The following CTNNA2 variants were observed in gnomAD, a reference collection of about 807,000 sequenced individuals.
The protein encoded by CTNNA2 is catenin alpha-2.
Under a neutral mutation model 101.0 loss-of-function variants are expected in CTNNA2, and 42 were observed. The observed-to-expected ratio is 0.42, with a 90% confidence interval of 0.32 to 0.54. The LOEUF is 0.54. Ranked by LOEUF, CTNNA2 falls within the 20% of genes least tolerant of loss-of-function variation. The probability of loss-of-function intolerance (pLI) is 0.14; values close to 1 mark genes in which losing one functional copy is unlikely to be tolerated. For synonymous variants in CTNNA2, 450 were observed against 456.4 expected (o/e 0.99, Z 0.18); for missense variants, 871 against 1,223.1 (o/e 0.71, Z 4.29).
chr2:80,004,096 A>C (rs2103976602), intron 7 of CTNNA2, among the ~76,000 whole-genome samples: 1 of 152,186 alleles, frequency 6.6e-6, no homozygotes, highest in South Asian at 2.1e-4. Flanking sequence ...TAGAGGCTAA[A>C]ATTTTTTTTT....
chr2:80,597,009 T>G (rs190869132), intron 15 of CTNNA2, among the ~76,000 whole-genome samples: 1 of 152,320 alleles, frequency 6.6e-6, no homozygotes, highest in Non-Finnish European at 1.5e-5. Context: ...TTAATTACAT[T>G]TATTGATTTG....
intron 14 of CTNNA2, chr2:80,586,622 A>T (rs182527346): frequency 6.6e-6 from 1 of 152,344 alleles, no homozygotes; most frequent in African/African-American, 2.4e-5. Context: ...TCTTGCTATG[A>T]ACACAACATT....
intron 7 of CTNNA2, among the ~76,000 whole-genome samples, chr2:79,939,305 G>C (rs1687992604): frequency 6.6e-6 from 1 of 152,138 alleles, no homozygotes; most frequent in African/African-American, 2.4e-5. Context: ...TGACTTTTTA[G>C]ACTTAACTTT....
At chr2:79,501,965 CT>C (rs59130555) in intron 4 of CTNNA2, among the ~76,000 whole-genome samples, 9,586 of 128,724 alleles carry the variant, frequency 0.074, 602 homozygotes, top group East Asian at 0.25. Context: ...GGATATTAGT[CT>C]TTTTTTTTTT....
intron 7 of CTNNA2, among the ~76,000 whole-genome samples, chr2:80,229,721 G>A (rs1291140827): frequency 6.6e-6 from 1 of 152,160 alleles, no homozygotes; most frequent in Non-Finnish European, 1.5e-5. Flanking sequence ...AATCAAATGT[G>A]TTCAAATACT....
At chr2:79,338,842 G>A (rs961442151) in intron 3 of CTNNA2, among the ~76,000 whole-genome samples, 1 of 152,118 alleles carries the variant, frequency 6.6e-6, no homozygotes, top group Non-Finnish European at 1.5e-5. Context: ...ATAAGATAGA[G>A]AGGAAGGTGT....
intron 7 of CTNNA2, among the ~76,000 whole-genome samples, chr2:80,012,436 T>C: frequency 6.6e-6 from 1 of 152,162 alleles, no homozygotes; most frequent in East Asian, 1.9e-4. Flanking sequence ...TTTCCTAAGA[T>C]TCTGAGTCAG....
intron 4 of CTNNA2, among the ~76,000 whole-genome samples, chr2:79,466,398 A>G (rs1380704674): frequency 6.6e-6 from 1 of 152,200 alleles, no homozygotes; most frequent in African/African-American, 2.4e-5. Flanking sequence ...AACTGGGTGG[A>G]GCCCACCACA....
chr2:79,374,410 A>G (rs1371881081), intron 4 of CTNNA2, among the ~76,000 whole-genome samples: 1 of 152,192 alleles, frequency 6.6e-6, no homozygotes, highest in Non-Finnish European at 1.5e-5. Context: ...AAAATCTAAG[A>G]CTGATTCATG....
At chr2:79,435,616 G>A (rs551401217) in intron 4 of CTNNA2, among the ~76,000 whole-genome samples, 2 of 152,266 alleles carry the variant, frequency 1.3e-5, no homozygotes, top group African/African-American at 4.8e-5. Flanking sequence ...AAGGCAGCAC[G>A]CCCTAAAGCT....
At chr2:80,503,013 T>A (rs1687994203) in intron 9 of CTNNA2, among the ~76,000 whole-genome samples, 1 of 151,954 alleles carries the variant, frequency 6.6e-6, no homozygotes, top group South Asian at 2.1e-4. Context: ...CTACAAAAAT[T>A]TTTTTACAAA....
chr2:80,125,070 C>T (rs952283779), intron 7 of CTNNA2, among the ~76,000 whole-genome samples: 4 of 152,306 alleles, frequency 2.6e-5, no homozygotes, highest in Middle Eastern at 3.4e-3. Context: ...GAAAGAACAT[C>T]AGTGAACCAG....
In CTNNA2 at chr2:79,375,413, G is replaced by T. The variant is rs17016980; in HGVS notation, c.-135+1400G>T. ...ATGAGTATAAGAGCTTTTCGCCATC[G>T]TTCCTTCTTTATTCTGCCATGTAAT... On this transcript the variant is annotated intron_variant, in intron 4 of 21. Coordinates refer to the CTNNA2 transcript ENST00000466387. 6.2e-3 allele frequency among the ~76,000 whole-genome samples: 951 copies of T among 152,238 alleles called. 8 individuals carry two copies. The highest frequency in any genetic ancestry group is 0.022 in the African/African-American group (897 of 41,542).
At chr2:80,285,252 A>G (rs1674668177) in intron 7 of CTNNA2, among the ~76,000 whole-genome samples, 1 of 152,138 alleles carries the variant, frequency 6.6e-6, no homozygotes, top group South Asian at 2.1e-4. Flanking sequence ...CATCTACCAC[A>G]CTGGTATCTC....
chr2:79,403,082 A>C (rs749884402), intron 4 of CTNNA2, among the ~76,000 whole-genome samples: 1 of 151,856 alleles, frequency 6.6e-6, no homozygotes, highest in Non-Finnish European at 1.5e-5. Context: ...AATTCAACCC[A>C]AAGAAATCAG....
intron 4 of CTNNA2, among the ~76,000 whole-genome samples, chr2:79,477,895 AC>A (rs1671067788): frequency 6.6e-6 from 1 of 152,188 alleles, no homozygotes; most frequent in African/African-American, 2.4e-5. Flanking sequence ...GCTCTGTGGG[AC>A]TAGTTTTGCC....
chr2:80,302,660 G>A lies in CTNNA2; in HGVS notation c.1057-90551G>A. Reference sequence around the variant, plus strand: ...CGCGAGCGTGGTGGCCGAGCTGGCAGGGGGCCCCAGATCACTGCGGTTGGT... The same window carrying A: ...CGCGAGCGTGGTGGCCGAGCTGGCAAGGGGCCCCAGATCACTGCGGTTGGT... On this transcript the variant is annotated intron_variant, in intron 7 of 18. Transcript: ENST00000402739. This position sits in a 1 kb window ranked among gnomAD's most constrained non-coding sequence, Gnocchi z 6.4. 2.5e-6 allele frequency: 4 copies of A among 1,610,008 alleles called. No individual in the cohort carries two copies. The highest frequency in any genetic ancestry group is 3.4e-6 in the Non-Finnish European group (4 of 1,179,044).
At chr2:80,623,286 CTAGTAACTATGATGA>C (rs1423511182) in intron 18 of CTNNA2, among the ~76,000 whole-genome samples, 3 of 151,750 alleles carry the variant, frequency 2.0e-5, no homozygotes, top group Non-Finnish European at 2.9e-5. Context: ...AGCACGTGAA[CTAGTAACTATGATGA>C]TAGTAATCAT....
chr2:80,115,970 G>A (rs561114923), intron 7 of CTNNA2, among the ~76,000 whole-genome samples: 1 of 152,240 alleles, frequency 6.6e-6, no homozygotes, highest in East Asian at 1.9e-4. Context: ...GCCCGAAATG[G>A]GGGCTGTCAC....
Sources: gnomAD v4.1 joint callset for allele counts (sites outside exome capture counted in the v4.1 genomes callset) on GRCh38, gnomAD v4.1.1 for gene constraint, Gnocchi (gnomAD v3.1) non-coding constraint, MANE v1.5 for transcripts, NCBI Gene and HGNC (gene_info 2026-07-23, HGNC 2026-07-21) for gene names.